Variants in CYP3A43 observed in about 807,000 individuals in gnomAD.
CYP3A43 encodes cytochrome P450 family 3 subfamily A member 43.
Under a neutral mutation model 58.0 loss-of-function variants are expected in CYP3A43, and 45 were observed. That is an observed-to-expected ratio of 0.78 (90% confidence interval 0.61 to 0.99). The LOEUF (loss-of-function observed/expected upper bound fraction) is 0.99, where lower values mean the gene tolerates loss of function less well. CYP3A43 is among the 50% of genes least tolerant of loss of function. CYP3A43 has a pLI of 0.00. For synonymous variants in CYP3A43, 191 were observed against 201.4 expected, an observed-to-expected ratio of 0.95 and a Z score of 0.44; for missense variants, 593 against 591.9, an observed-to-expected ratio of 1.00 and a Z score of -0.02.
chr7:99,832,230 A>G (rs1318043426), intron 1 of CYP3A43, among the ~76,000 whole-genome samples: 1 of 150,980 alleles, frequency 6.6e-6, no homozygotes. Context: ...ACACAAACTC[A>G]TTATTAGTTC....
At chr7:99,833,995 G>A (rs1261049246) in intron 1 of CYP3A43, among the ~76,000 whole-genome samples, 1 of 152,182 alleles carries the variant, frequency 6.6e-6, no homozygotes, top group African/African-American at 2.4e-5. Context: ...ACTAGAACAT[G>A]TGCCATCTTG....
rs1264458832 is a variant in CYP3A43 at position 99,860,002 on chromosome 7, A to G, written c.1026+12A>G. On this transcript the variant is annotated intron_variant, in intron 10 of 12. Transcript: ENST00000354829. ...TTTTACCCAATAAGGTAAGGGGATG[A>G]TCCCCTGGAGAAGGAGGGAGAAGGT... is the stretch of plus-strand genomic sequence containing the variant. 4 of 1,572,402 alleles carry G rather than the reference A, an allele frequency of 2.5e-6. No individual in the cohort carries two copies. The highest frequency in any genetic ancestry group is 3.4e-6 in the Non-Finnish European group (4 of 1,160,788).
intron 1 of CYP3A43, among the ~76,000 whole-genome samples, chr7:99,828,828 G>A (rs895898076): frequency 3.3e-5 from 5 of 152,152 alleles, no homozygotes; most frequent in South Asian, 4.1e-4. Flanking sequence ...ACTAAGGGAA[G>A]ATCTTCCAAA....
At chr7:99,844,993 C>T (rs912366531) in intron 4 of CYP3A43, among the ~76,000 whole-genome samples, 2 of 151,020 alleles carry the variant, frequency 1.3e-5, no homozygotes, top group South Asian at 2.1e-4. Flanking sequence ...CGCTTGAACC[C>T]GGGAGGCAGA....
chr7:99,862,216 A>C (rs979057723), intron 11 of CYP3A43, among the ~76,000 whole-genome samples: 1 of 152,180 alleles, frequency 6.6e-6, no homozygotes, highest in African/African-American at 2.4e-5. Context: ...CCATAATGTT[A>C]TTTTGAGTAT....
intron 11 of CYP3A43, among the ~76,000 whole-genome samples, chr7:99,863,274 A>G (rs1355549481): frequency 6.6e-6 from 1 of 152,160 alleles, no homozygotes; most frequent in Non-Finnish European, 1.5e-5. Context: ...AAAACACATA[A>G]CCACAAGGGC....
At chr7:99,858,121 T>C (rs1322301561) in intron 9 of CYP3A43, among the ~76,000 whole-genome samples, 2 of 152,130 alleles carry the variant, frequency 1.3e-5, no homozygotes, top group African/African-American at 2.4e-5. Context: ...TTTTAATTAA[T>C]TAAATTTAAG....
chr7:99,847,452 T>C, intron 4 of CYP3A43, 36 bp from the exon 5 acceptor site: 1 of 1,599,852 alleles, frequency 6.3e-7, no homozygotes, highest in Non-Finnish European at 8.5e-7. Flanking sequence ...TCTCTAAAAC[T>C]TACGTAGGAC....
chr7:99,861,932 G>T lies in CYP3A43; in HGVS notation c.1253+93G>T, dbSNP rs899802722. The T allele has an allele frequency of 2.6e-6, 3 of 1,139,704 alleles. No individual in the cohort carries two copies. In the African/African-American group the frequency reaches 4.6e-5, roughly 18 times the overall value. The allele number at this position is 1,139,704 out of a possible 1,614,324, so 70.6% of individuals were successfully genotyped here. Reference sequence around the variant, plus strand: ...ATGCACATGGCAATCATTTGAATATGTGCCTTTTCATTTTGGAAGTTTTTT... The same window carrying T: ...ATGCACATGGCAATCATTTGAATATTTGCCTTTTCATTTTGGAAGTTTTTT... On this transcript the variant is annotated intron_variant, in intron 11 of 12. Transcript: ENST00000354829.
At chr7:99,828,269 A>G in intron 1 of CYP3A43, 83 bp downstream of exon 1, 1 of 1,154,484 alleles carries the variant, frequency 8.7e-7, no homozygotes, top group Non-Finnish European at 1.2e-6. Flanking sequence ...ATTTGTTTTG[A>G]AGATAAAAGA....
intron 4 of CYP3A43, 123 bp downstream of exon 4, chr7:99,844,365 G>A (rs1166817858): frequency 2.3e-6 from 2 of 863,536 alleles, no homozygotes; most frequent in Admixed American, 2.6e-5. Context: ...TCCCCCAATG[G>A]TGATGTCTTA....
At chr7:99,860,370 G>A (rs1818181557) in intron 10 of CYP3A43, among the ~76,000 whole-genome samples, 1 of 152,182 alleles carries the variant, frequency 6.6e-6, no homozygotes, top group Non-Finnish European at 1.5e-5. Flanking sequence ...ATGGAACCTG[G>A]CCCTGGGTGC....
intron 8 of CYP3A43, among the ~76,000 whole-genome samples, chr7:99,856,053 A>G (rs1288833995): frequency 6.6e-6 from 1 of 152,254 alleles, no homozygotes; most frequent in Non-Finnish European, 1.5e-5. Context: ...CTGGATAAAA[A>G]TGACTGATAA....
chr7:99,839,252 C>T, intron 3 of CYP3A43, 80 bp downstream of exon 3: 1 of 1,551,308 alleles, frequency 6.4e-7, no homozygotes, highest in South Asian at 1.1e-5. Flanking sequence ...AATCTCAGCC[C>T]AGATTTTGTT....
At chr7:99,851,631 T>C (rs950812187) in intron 7 of CYP3A43, among the ~76,000 whole-genome samples, 4 of 152,228 alleles carry the variant, frequency 2.6e-5, no homozygotes, top group African/African-American at 9.6e-5. Flanking sequence ...CTGAATTCTT[T>C]TTGTTAATTG....
Position 99,859,902 on chromosome 7 carries a change from C to G in CYP3A43, c.938C>G (p.Thr313Ser), listed in dbSNP as rs199652255. ...GCTGCCTATGACACAACTAGCACCA[C>G]TCTCCCCTTCATTATGTATGAACTG... ...IFAAYDTTST[T>S]LPFIMYELAT... Residue 313 changes from threonine (T) to serine (S), a missense_variant, in exon 10 of 13, where the codon ACT (threonine) becomes AGT (serine). By Grantham distance (58) the Thr-to-Ser change is moderately conservative. Coordinates refer to ENST00000354829, the MANE Select transcript of CYP3A43 (RefSeq NM_057095.3). The G allele has an allele frequency of 6.2e-7, 1 of 1,614,136 alleles. No homozygotes were observed.
chr7:99,850,695 C>T (rs1047002195), intron 7 of CYP3A43, among the ~76,000 whole-genome samples: 4 of 152,178 alleles, frequency 2.6e-5, no homozygotes, highest in African/African-American at 9.7e-5. Flanking sequence ...CACTAATCTA[C>T]TTTCTGTCTC....
Position 99,849,529 on chromosome 7 carries a change from T to C in CYP3A43, c.522-17T>C, listed in dbSNP as rs1177803741. Reference sequence around the variant, plus strand: ...AAGAGGTGCTGGTTTTAATTTTCCATGTTTTACTCTACTCAGTTTCTTTGG... The same window carrying C: ...AAGAGGTGCTGGTTTTAATTTTCCACGTTTTACTCTACTCAGTTTCTTTGG... On this transcript the variant is annotated splice_polypyrimidine_tract_variant and intron_variant, in intron 6 of 12. Transcript: ENST00000354829. 1.3e-6 allele frequency: 2 copies of C among 1,576,520 alleles called. No homozygotes were observed. Among genetic ancestry groups the C allele is most frequent in the South Asian group, 1.2e-5 (1 of 83,386 alleles).
intron 3 of CYP3A43, among the ~76,000 whole-genome samples, chr7:99,843,757 G>T (rs1250731753): frequency 6.6e-6 from 1 of 152,156 alleles, no homozygotes; most frequent in Admixed American, 6.5e-5. Context: ...GTGAGCCACT[G>T]CACCCAGCCT....
Sources: allele counts gnomAD v4.1 joint callset (sites outside exome capture counted in the v4.1 genomes callset), GRCh38; gene constraint gnomAD v4.1.1; transcripts MANE v1.5; gene names NCBI Gene and HGNC (gene_info 2026-07-23, HGNC 2026-07-21).